MTHFD1L: variants seen among roughly 807,000 people sequenced by gnomAD.
MTHFD1L encodes the protein monofunctional C1-tetrahydrofolate synthase, mitochondrial.
MTHFD1L carries 81 observed loss-of-function variants against 119.5 expected under a neutral mutation model. That is an observed-to-expected ratio of 0.68 (90% CI 0.57 to 0.82). The LOEUF is 0.82. MTHFD1L is among the 40% of genes least tolerant of loss of function. The probability of loss-of-function intolerance (pLI) is 0.00; values close to 1 mark genes in which losing one functional copy is unlikely to be tolerated. For synonymous variants in MTHFD1L, 430 were observed against 475.2 expected (o/e 0.90, Z 1.24); for missense variants, 1,125 against 1,253.4 (o/e 0.90, Z 1.55).
intron 12 of MTHFD1L, among the ~76,000 whole-genome samples, chr6:150,937,817 C>A (rs1179346539): frequency 6.6e-6 from 1 of 152,128 alleles, no homozygotes; most frequent in African/African-American, 2.4e-5. Context: ...AATGAGAAAG[C>A]ACGTAAAGAA....
At chr6:150,884,874 A>G (rs1264494732) in intron 5 of MTHFD1L, among the ~76,000 whole-genome samples, 1 of 152,150 alleles carries the variant, frequency 6.6e-6, no homozygotes, top group African/African-American at 2.4e-5. Context: ...AGTTGAAATC[A>G]GACCTGTGAC....
intron 1 of MTHFD1L, 130 bp from the exon 2 acceptor site, chr6:150,875,960 C>G (rs113136003): frequency 5.5e-6 from 4 of 730,796 alleles, no homozygotes; most frequent in Non-Finnish European, 9.6e-6. Flanking sequence ...ACAGTGTACA[C>G]TTGGAGTGCG....
Position 150,926,403 on chromosome 6 carries a change from C to T in MTHFD1L, c.1256+108C>T. The T allele has an allele frequency of 9.8e-7, 1 of 1,019,434 alleles. No individual in the cohort carries two copies. The highest frequency in any genetic ancestry group is 1.9e-5 in the South Asian group (1 of 53,116). The allele number at this position is 1,019,434 out of a possible 1,614,324, so 63.1% of individuals were successfully genotyped here. A position where few individuals can be genotyped will look rare whatever the true frequency, so the allele number is the denominator to read the frequency against. On this transcript the variant is annotated intron_variant, in intron 11 of 27. Transcript: ENST00000367321. This position sits in a 1 kb window ranked among gnomAD's most constrained non-coding sequence, Gnocchi z 4.3. ...CAATCCATCCTATTCTCACATTTGACATTTCGTCCATTTCATTTGGCATTT... is the reference window on the plus strand; with the variant it reads ...CAATCCATCCTATTCTCACATTTGATATTTCGTCCATTTCATTTGGCATTT...
chr6:150,979,037 C>T (rs1268149466), intron 20 of MTHFD1L, among the ~76,000 whole-genome samples: 2 of 152,070 alleles, frequency 1.3e-5, no homozygotes, highest in South Asian at 2.1e-4. Flanking sequence ...GTCAGGAGTT[C>T]GAGACTAGCC....
intron 26 of MTHFD1L, among the ~76,000 whole-genome samples, chr6:151,076,042 AT>A (rs1792464625): frequency 6.6e-6 from 1 of 152,234 alleles, no homozygotes; most frequent in Non-Finnish European, 1.5e-5. Context: ...ACCACAGTGA[AT>A]ACCGCTGCAT....
chr6:151,041,958 A>T, intron 26 of MTHFD1L: 1 of 376,718 alleles, frequency 2.7e-6, no homozygotes, highest in Non-Finnish European at 5.4e-6. Context: ...GTTCACTTAT[A>T]GGCCAGGGTT....
intron 20 of MTHFD1L, among the ~76,000 whole-genome samples, chr6:150,975,917 T>A (rs974652471): frequency 3.9e-5 from 6 of 152,292 alleles, no homozygotes; most frequent in Middle Eastern, 3.4e-3. Flanking sequence ...CCTTGCCAAC[T>A]GGTCTTCTGG....
chr6:151,092,412 G>A (rs1794531146), intron 26 of MTHFD1L, 55 bp from the exon 27 acceptor site: 1 of 1,388,364 alleles, frequency 7.2e-7, no homozygotes, highest in African/African-American at 1.4e-5. Context: ...ATCATCAGAT[G>A]TTGTGGCCGC....
chr6:151,043,872 A>C (rs55708637), intron 26 of MTHFD1L, among the ~76,000 whole-genome samples: 13,765 of 152,218 alleles, frequency 0.09, 2,078 homozygotes, highest in African/African-American at 0.31. Context: ...CCTGAATAAA[A>C]AGAGAAGTTA....
intron 20 of MTHFD1L, among the ~76,000 whole-genome samples, chr6:150,977,019 C>T (rs919730070): frequency 6.6e-6 from 1 of 152,146 alleles, no homozygotes; most frequent in African/African-American, 2.4e-5. Context: ...ATTTATTAAG[C>T]TTCTGCTATA....
chr6:150,932,586 A>G (rs1791250283), intron 11 of MTHFD1L, among the ~76,000 whole-genome samples: 1 of 152,120 alleles, frequency 6.6e-6, no homozygotes, highest in Admixed American at 6.5e-5. Flanking sequence ...CCTGGCCAAC[A>G]AGGTGAAACC....
intron 26 of MTHFD1L, among the ~76,000 whole-genome samples, chr6:151,057,976 C>T (rs1247756256): frequency 6.6e-6 from 1 of 152,102 alleles, no homozygotes; most frequent in African/African-American, 2.4e-5. Context: ...ACAGTTTCAC[C>T]ATATTGGCCA....
chr6:151,097,972 G>A (rs569854209), intron 27 of MTHFD1L, among the ~76,000 whole-genome samples: 2 of 152,152 alleles, frequency 1.3e-5, no homozygotes, highest in African/African-American at 4.8e-5. Flanking sequence ...CCAGGAATTC[G>A]AGACCAGCCT....
intron 27 of MTHFD1L, among the ~76,000 whole-genome samples, chr6:151,098,147 C>A (rs149292062): frequency 0.015 from 2,322 of 152,228 alleles, 56 homozygotes; most frequent in African/African-American, 0.053. Flanking sequence ...GCACTCTAGC[C>A]TGGGTGACAG....
At chr6:151,072,492 TAAAAGTACACA>T (rs1305200486) in intron 26 of MTHFD1L, among the ~76,000 whole-genome samples, 4 of 152,124 alleles carry the variant, frequency 2.6e-5, no homozygotes, top group Non-Finnish European at 4.4e-5. Context: ...AATGTTATGT[TAAAAGTACACA>T]ATATGGCCAG....
At chr6:151,096,681 TGGTGTGCATACCCA>T (rs1794920618) in intron 27 of MTHFD1L, among the ~76,000 whole-genome samples, 2 of 152,244 alleles carry the variant, frequency 1.3e-5, no homozygotes, top group African/African-American at 4.8e-5. Context: ...ACACCGTAGA[TGGTGTGCATACCCA>T]GGTGCGGAGC....
At position 151,079,152 on chromosome 6, in the gene MTHFD1L, G is replaced by A. The variant is rs1006490903; in HGVS notation, c.2848-13315G>A. Among the ~76,000 whole-genome samples the A allele has an allele frequency of 7.9e-5, 12 of 152,108 alleles. 1 individual carries two copies. The highest frequency in any genetic ancestry group is 2.7e-4 in the African/African-American group (11 of 41,382). The stretch of plus-strand genomic sequence containing the variant: ...GAACAGGAGTGTAATCAATAAATCA[G>A]ATGGCCTTGCTGTGAACGGTTACAT... On this transcript the variant is annotated intron_variant, in intron 26 of 27. Coordinates refer to ENST00000367321, the MANE Select transcript of MTHFD1L (RefSeq NM_015440.5).
chr6:150,980,153 G>A (rs1217320533), intron 20 of MTHFD1L, among the ~76,000 whole-genome samples: 2 of 152,146 alleles, frequency 1.3e-5, no homozygotes, highest in Non-Finnish European at 2.9e-5. Context: ...TTAAATCAAG[G>A]TTGAGAAGTG....
intron 8 of MTHFD1L, among the ~76,000 whole-genome samples, chr6:150,908,861 A>G (rs17080476): frequency 0.17 from 25,152 of 151,946 alleles, 2,519 homozygotes; most frequent in South Asian, 0.3. Flanking sequence ...TAATCCCACT[A>G]CTGTAAAGAA....
Sources: gnomAD v4.1 joint callset for allele counts (sites outside exome capture counted in the v4.1 genomes callset) on GRCh38, gnomAD v4.1.1 for gene constraint, Gnocchi (gnomAD v3.1) non-coding constraint, MANE v1.5 for transcripts, NCBI Gene and HGNC (gene_info 2026-07-23, HGNC 2026-07-21) for gene names.